The following ELAVL1 variants were observed in gnomAD, a reference collection of about 807,000 sequenced individuals.
ELAVL1 encodes ELAV like RNA binding protein 1.
A neutral mutation model predicts 28.4 loss-of-function variants in ELAVL1; 1 was observed. The ratio of observed to expected loss-of-function variants is 0.04; its 90% CI spans 0.01 to 0.17. The LOEUF (loss-of-function observed/expected upper bound fraction) is 0.17. Ranked by LOEUF, ELAVL1 falls within the 10% of genes least tolerant of loss-of-function variation. The pLI is 1.00. For synonymous variants in ELAVL1, 174 were observed against 183.5 expected, an observed-to-expected ratio of 0.95 and a Z score of 0.42; for missense variants, 157 against 447.2, an observed-to-expected ratio of 0.35 and a Z score of 5.85.
In ELAVL1 at chr19:7,963,758, C is replaced by T. The variant is rs1984873998; in HGVS notation, c.706G>A (p.Val236Met). Residue 236 changes from valine to methionine, a missense_variant, in exon 6 of 6, where the codon GTG (valine) becomes ATG (methionine). By Grantham distance (21) the Val-to-Met change is conservative. This residue lies in a region of ELAVL1 where 107 missense variants were observed against 310.4 expected (regional missense o/e 0.34). Transcript: ENST00000407627. This position sits in a 1 kb window ranked among gnomAD's most constrained non-coding sequence, Gnocchi z 4.5. ...DHMSGLSGVN[V>M]PGNASSGWCI... ...CAGCCGGAGGAGGCGTTTCCTGGCA[C>T]GTTGACGCCAGAGAGCCCGCTCATG... 3.7e-6 allele frequency: 6 copies of T among 1,614,266 alleles called. No individual in the cohort carries two copies. Among genetic ancestry groups the T allele is most frequent in the Non-Finnish European group, 5.1e-6 (6 of 1,180,048 alleles).
At chr19:7,992,090 G>A (rs915099103) in intron 1 of ELAVL1, among the ~76,000 whole-genome samples, 7 of 152,078 alleles carry the variant, frequency 4.6e-5, no homozygotes, top group Non-Finnish European at 1.0e-4. Context: ...ACAGGCGTCT[G>A]CCACCATGCC....
Position 7,961,276 on chromosome 19 carries a change from AG to A in ELAVL1, c.*2206del, listed in dbSNP as rs34406115. ...TGGGCATGTGTGGGAGTGAGACTCC[AG>A]GGGGAGTTTCAGAAGCGGGAATCCC... On this transcript the variant is annotated 3_prime_UTR_variant, in exon 6 of 6. Transcript: ENST00000407627. The A allele has an allele frequency of 6.6e-6, 1 of 152,244 alleles. No homozygotes were observed. Among genetic ancestry groups the A allele is most frequent in the Non-Finnish European group, 1.5e-5 (1 of 68,062 alleles). The allele number at this position is 152,244 out of a possible 1,614,324, so 9.4% of individuals were successfully genotyped here.
At position 7,961,085 on chromosome 19, in the gene ELAVL1, T is replaced by C. The variant is rs1385299717; in HGVS notation, c.*2398A>G. On this transcript the variant is annotated 3_prime_UTR_variant, in exon 6 of 6. Coordinates refer to ENST00000407627, the MANE Select transcript of ELAVL1 (RefSeq NM_001419.3). ...CCTGAACTGAGAAACTTCAGGGAAC[T>C]TTCAAAGGCTCATATACTTCACAGT... 1 of 152,250 alleles carries C rather than the reference T, an allele frequency of 6.6e-6. No individual in the cohort carries two copies. Among genetic ancestry groups the C allele is most frequent in the Non-Finnish European group, 1.5e-5 (1 of 68,042 alleles). The allele number at this position is 152,250 out of a possible 1,614,324, so 9.4% of individuals were successfully genotyped here.
rs1985116934 is a variant in ELAVL1 at position 7,971,700 on chromosome 19, G to A, written c.430+2025C>T. On this transcript the variant is annotated intron_variant, in intron 4 of 5. Transcript: ENST00000407627. Reference sequence around the variant, plus strand: ...TCGGCACTGCCCGGTGCCAGGGCGCGAGTCTGTGCTAGGCTACAGGAAGCT... The same window carrying A: ...TCGGCACTGCCCGGTGCCAGGGCGCAAGTCTGTGCTAGGCTACAGGAAGCT... 2.6e-5 allele frequency among the ~76,000 whole-genome samples: 4 copies of A among 152,224 alleles called. No individual in the cohort carries two copies. The South Asian group carries it at 6.2e-4, about 24-fold the overall frequency.
At chr19:7,969,440 GC>G (rs1985043300) in intron 4 of ELAVL1, among the ~76,000 whole-genome samples, 2 of 152,140 alleles carry the variant, frequency 1.3e-5, no homozygotes, top group African/African-American at 4.8e-5. Flanking sequence ...GACACTGCAG[GC>G]CCCCCGTGAG....
intron 2 of ELAVL1, among the ~76,000 whole-genome samples, chr19:7,983,704 C>G (rs1447582497): frequency 6.6e-6 from 1 of 152,174 alleles, no homozygotes; most frequent in African/African-American, 2.4e-5. Flanking sequence ...GAAAGTCACA[C>G]ACTGATAGGG....
Position 7,996,183 on chromosome 19 carries a change from C to CT in ELAVL1, c.-16-4353dup, listed in dbSNP as rs35350359. ...AAGCCACCTCACCCAACCCAGAACC[C>CT]TTTTTTTTTTTTTTTTGAAATGGAG... On this transcript the variant is annotated intron_variant, in intron 1 of 5. Transcript: ENST00000407627. Among the ~76,000 whole-genome samples, 861 of 141,088 alleles carry CT rather than the reference C, an allele frequency of 6.1e-3. 9 individuals are homozygous for CT. The highest frequency in any genetic ancestry group is 0.013 in the Admixed American group (186 of 14,050). 92.6% of individuals were successfully genotyped at this position (141,088 alleles called of 152,430 possible). A position where few individuals can be genotyped will look rare whatever the true frequency, so the allele number is the denominator to read the frequency against.
chr19:7,985,523 A>G (rs1985576314), intron 2 of ELAVL1, among the ~76,000 whole-genome samples: 1 of 152,210 alleles, frequency 6.6e-6, no homozygotes, highest in African/African-American at 2.4e-5. Context: ...GAGCTTGCCA[A>G]AGCCCCTGCC....
intron 5 of ELAVL1, among the ~76,000 whole-genome samples, chr19:7,964,103 A>G (rs150164625): frequency 0.01 from 1,546 of 152,268 alleles, 26 homozygotes; most frequent in African/African-American, 0.036. Context: ...GGTTCCCCAC[A>G]TTTTAGATGA....
chr19:8,002,507 T>C (rs1480236229), intron 1 of ELAVL1, among the ~76,000 whole-genome samples: 1 of 152,210 alleles, frequency 6.6e-6, no homozygotes, highest in Admixed American at 6.5e-5. Context: ...TGGCTTCCGT[T>C]GGTCTTCCCC....
Position 7,981,324 on chromosome 19 carries a change from C to A in ELAVL1, c.173-138G>T. On this transcript the variant is annotated intron_variant, in intron 2 of 5. Coordinates refer to ENST00000407627, the MANE Select transcript of ELAVL1 (RefSeq NM_001419.3). This position sits in a 1 kb window ranked among gnomAD's most constrained non-coding sequence, Gnocchi z 4.2. Reference sequence around the variant, plus strand: ...AGCAAACTTTATTTTCTTTGGCAAACACGTACATTTTCTGCAATGAACACA... The same window carrying A: ...AGCAAACTTTATTTTCTTTGGCAAAAACGTACATTTTCTGCAATGAACACA... 4.4e-6 allele frequency: 3 copies of A among 685,858 alleles called. No individual in the cohort carries two copies. The highest frequency in any genetic ancestry group is 7.5e-6 in the Non-Finnish European group (3 of 398,786). The allele number at this position is 685,858 out of a possible 1,614,324, so 42.5% of individuals were successfully genotyped here. A position where few individuals can be genotyped will look rare whatever the true frequency, so the allele number is the denominator to read the frequency against.
At chr19:7,988,389 A>C (rs1371170609) in intron 2 of ELAVL1, among the ~76,000 whole-genome samples, 1 of 152,092 alleles carries the variant, frequency 6.6e-6, no homozygotes, top group Non-Finnish European at 1.5e-5. Flanking sequence ...CTTTGGAAGA[A>C]GAGGAGAATG....
At chr19:8,003,355 CA>C (rs71165248) in intron 1 of ELAVL1, among the ~76,000 whole-genome samples, 11,132 of 60,924 alleles carry the variant, frequency 0.18, 356 homozygotes, top group Non-Finnish European at 0.2. Flanking sequence ...GAAACTGTCT[CA>C]AAAAAAAAAA....
At chr19:7,985,015 G>A (rs1485280804) in intron 2 of ELAVL1, among the ~76,000 whole-genome samples, 1 of 152,194 alleles carries the variant, frequency 6.6e-6, no homozygotes, top group Non-Finnish European at 1.5e-5. Context: ...TGCCTCCTAG[G>A]CTCAGGCGAT....
intron 2 of ELAVL1, among the ~76,000 whole-genome samples, chr19:7,988,132 G>A (rs529467328): frequency 6.6e-6 from 1 of 152,322 alleles, no homozygotes; most frequent in Non-Finnish European, 1.5e-5. Context: ...CACCCAGGAG[G>A]ATGAGAGCCA....
At position 7,958,801 on chromosome 19, in the gene ELAVL1, T is replaced by C. The variant is rs191598501; in HGVS notation, c.*4682A>G. The C allele has an allele frequency of 4.3e-4, 65 of 152,836 alleles. No homozygotes were observed. Among genetic ancestry groups the C allele is most frequent in the Admixed American group, 1.2e-3 (18 of 15,296 alleles). The allele number at this position is 152,836 out of a possible 1,614,324, so 9.5% of individuals were successfully genotyped here. A position where few individuals can be genotyped will look rare whatever the true frequency, so the allele number is the denominator to read the frequency against. On this transcript the variant is annotated 3_prime_UTR_variant, in exon 6 of 6. Coordinates refer to ENST00000407627, the MANE Select transcript of ELAVL1 (RefSeq NM_001419.3). ...AAAATGTCTACACAGCTATGAACAA[T>C]TGTTTAATAAAACTTTTTCATGTTT...
intron 3 of ELAVL1, among the ~76,000 whole-genome samples, chr19:7,980,665 G>A (rs117263078): frequency 0.014 from 2,131 of 152,314 alleles, 19 homozygotes; most frequent in Non-Finnish European, 0.024. Flanking sequence ...CTGCACCCCC[G>A]ACCCACGGGG....
chr19:7,997,470 C>T (rs527568168), intron 1 of ELAVL1, among the ~76,000 whole-genome samples: 2 of 152,230 alleles, frequency 1.3e-5, no homozygotes, highest in Admixed American at 1.3e-4. Context: ...TCTGTGGTCG[C>T]TGGGGTTAGG....
intron 1 of ELAVL1, among the ~76,000 whole-genome samples, chr19:7,992,300 A>C (rs1985773431): frequency 6.6e-6 from 1 of 152,190 alleles, no homozygotes; most frequent in Admixed American, 6.5e-5. Flanking sequence ...AAAAATCTGC[A>C]CATGGATGTT....
Sources: allele counts gnomAD v4.1 joint callset (sites outside exome capture counted in the v4.1 genomes callset), GRCh38; gene constraint gnomAD v4.1.1; regional missense constraint gnomAD v4.1.1; non-coding constraint Gnocchi (gnomAD v3.1); transcripts MANE v1.5; gene names NCBI Gene and HGNC (gene_info 2026-07-23, HGNC 2026-07-21).